ANO6: variants seen among roughly 807,000 people sequenced by gnomAD.
The protein encoded by ANO6 is anoctamin-6.
A neutral mutation model predicts 117.5 loss-of-function variants in ANO6; 106 were observed. The ratio of observed to expected loss-of-function variants is 0.90; its 90% CI spans 0.77 to 1.06. The LOEUF (loss-of-function observed/expected upper bound fraction) is 1.06. Ranked by LOEUF, ANO6 falls within the 50% of genes least tolerant of loss-of-function variation. The pLI, the probability that ANO6 is intolerant of heterozygous loss-of-function variation, is 0.00. For synonymous variants in ANO6, 367 were observed against 385.1 expected, an observed-to-expected ratio of 0.95 and a Z score of 0.55; for missense variants, 955 against 1,121.1, an observed-to-expected ratio of 0.85 and a Z score of 2.12.
At chr12:45,321,591 A>G (rs1305180543) in intron 2 of ANO6, among the ~76,000 whole-genome samples, 2 of 152,140 alleles carry the variant, frequency 1.3e-5, no homozygotes, top group African/African-American at 2.4e-5. Flanking sequence ...GAAAACTTGT[A>G]TTTTGTCACT....
chr12:45,280,399 A>G (rs1386644778), intron 1 of ANO6, among the ~76,000 whole-genome samples: 5 of 152,192 alleles, frequency 3.3e-5, no homozygotes, highest in Admixed American at 2.6e-4. Context: ...CCTACAGACC[A>G]AAGGGCAGTG....
Position 45,393,869 on chromosome 12 carries a change from C to T in ANO6, c.1386+3371C>T, listed in dbSNP as rs754068382. Among the ~76,000 whole-genome samples, 19 of 152,304 alleles carry T rather than the reference C, an allele frequency of 1.2e-4. 1 individual carries two copies. The highest frequency in any genetic ancestry group is 1.0e-3 in the South Asian group (5 of 4,822). On this transcript the variant is annotated intron_variant, in intron 12 of 19. Transcript: ENST00000320560. ...AGCACTAAACATGGAAAGGAACAAC[C>T]GGTACCAGCCCCAGCAAAAACATGC...
rs12812732 is a variant in ANO6, at chr12:45,414,569, G to A, written c.2012-2130G>A. 3.3e-5 allele frequency among the ~76,000 whole-genome samples: 5 copies of A among 151,828 alleles called. No individual in the cohort carries two copies. The South Asian group carries it at 6.2e-4, about 19-fold the overall frequency. ...GCATCTCCTCTTAAAATTCACCCTG[G>A]TTAATTCATACTATCTATTCATATA... On this transcript the variant is annotated intron_variant, in intron 16 of 19. Coordinates refer to ENST00000320560, the MANE Select transcript of ANO6 (RefSeq NM_001025356.3).
intron 1 of ANO6, among the ~76,000 whole-genome samples, chr12:45,263,232 G>A (rs191034915): frequency 1.0e-3 from 153 of 151,658 alleles, no homozygotes; most frequent in African/African-American, 1.9e-3. Flanking sequence ...TATCTTGAGA[G>A]ACAGAGTCTT....
intron 2 of ANO6, among the ~76,000 whole-genome samples, chr12:45,326,077 C>T (rs1230301660): frequency 6.6e-6 from 1 of 152,106 alleles, no homozygotes; most frequent in Admixed American, 6.6e-5. Flanking sequence ...ATATTTAATA[C>T]TCATTATGCT....
In ANO6 at chr12:45,309,659, T is replaced by A. The variant is rs377148198; in HGVS notation, c.150+7566T>A. On this transcript the variant is annotated intron_variant, in intron 2 of 19. Transcript: ENST00000320560. ...AGGGCTATTGAAAAATATTTTGGTC[T>A]ATTTTATGGTCAATCCAAGACCTTT... is the stretch of plus-strand genomic sequence containing the variant. Among the ~76,000 whole-genome samples, 179 of 148,588 alleles carry A rather than the reference T, an allele frequency of 1.2e-3. 2 individuals carry two copies. In the South Asian group the frequency reaches 0.021, roughly 18 times the overall value.
intron 12 of ANO6, 84 bp from the exon 13 acceptor site, chr12:45,401,711 C>T: frequency 3.6e-6 from 4 of 1,101,814 alleles, no homozygotes; most frequent in South Asian, 1.3e-5. Flanking sequence ...TACACACACA[C>T]CTTGTTAAGT....
At chr12:45,338,139 A>G (rs1416602491) in intron 3 of ANO6, among the ~76,000 whole-genome samples, 1 of 152,112 alleles carries the variant, frequency 6.6e-6, no homozygotes, top group Non-Finnish European at 1.5e-5. Flanking sequence ...TAGTTGCCAA[A>G]GAATATAAGA....
intron 1 of ANO6, among the ~76,000 whole-genome samples, chr12:45,228,694 C>A (rs1947527290): frequency 6.6e-6 from 1 of 151,976 alleles, no homozygotes. Context: ...AGTGGGAGGG[C>A]AGTATTTGGT....
intron 1 of ANO6, among the ~76,000 whole-genome samples, chr12:45,294,711 C>T (rs570600611): frequency 2.6e-5 from 4 of 152,264 alleles, no homozygotes; most frequent in South Asian, 4.1e-4. Context: ...CATTTCTTTT[C>T]ATTAGAAACA....
At chr12:45,385,004 G>C (rs1193471500) in intron 10 of ANO6, among the ~76,000 whole-genome samples, 1 of 152,166 alleles carries the variant, frequency 6.6e-6, no homozygotes, top group Non-Finnish European at 1.5e-5. Flanking sequence ...AGCAGTTGGA[G>C]TCAGCTGGGA....
intron 3 of ANO6, among the ~76,000 whole-genome samples, chr12:45,336,966 C>T (rs761600874): frequency 5.3e-5 from 8 of 151,838 alleles, no homozygotes; most frequent in Non-Finnish European, 1.2e-4. Flanking sequence ...TGATCCTGAC[C>T]CTGTGTAGGC....
At chr12:45,216,841 A>G (rs1047412112) in intron 1 of ANO6, among the ~76,000 whole-genome samples, 2 of 152,098 alleles carry the variant, frequency 1.3e-5, no homozygotes, top group Non-Finnish European at 2.9e-5. Context: ...ATCCTCGTTA[A>G]AGTAAAAGCC....
chr12:45,392,341 G>A (rs570260796), intron 12 of ANO6, among the ~76,000 whole-genome samples: 49 of 152,330 alleles, frequency 3.2e-4, no homozygotes, highest in African/African-American at 8.7e-4. Context: ...TAAACAAAGC[G>A]GCCAGGAAGC....
chr12:45,323,973 T>C (rs2137377783), intron 2 of ANO6, among the ~76,000 whole-genome samples: 1 of 150,276 alleles, frequency 6.7e-6, no homozygotes, highest in East Asian at 1.9e-4. Context: ...ATTTTGCTCT[T>C]GGTGCCCAGG....
chr12:45,222,712 C>CTG (rs1224714160), intron 1 of ANO6, among the ~76,000 whole-genome samples: 1 of 152,194 alleles, frequency 6.6e-6, no homozygotes, highest in Non-Finnish European at 1.5e-5. Context: ...CCCCATCTTT[C>CTG]TGTGTGAGAA....
chr12:45,378,851 A>AC (rs1402351761), intron 10 of ANO6, among the ~76,000 whole-genome samples: 1 of 152,150 alleles, frequency 6.6e-6, no homozygotes. Context: ...GCGGATATTT[A>AC]ATGAGTATCT....
At chr12:45,408,595 C>G (rs974907018) in intron 15 of ANO6, among the ~76,000 whole-genome samples, 1 of 152,178 alleles carries the variant, frequency 6.6e-6, no homozygotes, top group Non-Finnish European at 1.5e-5. Context: ...GGAGGCGTTT[C>G]ACTCCTCTGG....
Position 45,388,009 on chromosome 12 carries a change from C to G in ANO6, c.1166-152C>G, listed in dbSNP as rs1390040207. 4.8e-6 allele frequency: 5 copies of G among 1,038,666 alleles called. No homozygotes were observed. The Admixed American group carries it at 9.8e-5, about 20-fold the overall frequency. The allele number at this position is 1,038,666 out of a possible 1,614,324, so 64.3% of individuals were successfully genotyped here. ...ATGCAGAACTGTGAGTCAATTAAAC[C>G]TCTTTCCTTTATGAATTACCCAGTC... is the stretch of plus-strand genomic sequence containing the variant. On this transcript the variant is annotated intron_variant, in intron 10 of 19. Coordinates refer to ENST00000320560, the MANE Select transcript of ANO6 (RefSeq NM_001025356.3).
Sources: allele counts gnomAD v4.1 joint callset (sites outside exome capture counted in the v4.1 genomes callset), GRCh38; gene constraint gnomAD v4.1.1; transcripts MANE v1.5; gene names NCBI Gene and HGNC (gene_info 2026-07-23, HGNC 2026-07-21).